The following FILIP1L variants were observed in gnomAD, a reference collection of about 807,000 sequenced individuals.
FILIP1L encodes the protein filamin A interacting protein 1 like, also known as filamin A-interacting protein 1-like.
In FILIP1L, 55 loss-of-function variants were observed where a neutral mutation model predicts 96.6. That is an observed-to-expected ratio of 0.57 (90% confidence interval 0.46 to 0.71). The LOEUF (loss-of-function observed/expected upper bound fraction) is 0.71, where lower values mean the gene tolerates loss of function less well. Among genes scored for constraint, FILIP1L ranks in the 30% least tolerant of loss-of-function variants. The pLI is 0.00. For missense variants in FILIP1L, 1,304 were observed against 1,321.2 expected (o/e 0.99, Z 0.20); for synonymous variants, 467 against 473.9 (o/e 0.99, Z 0.19).
intron 4 of FILIP1L, among the ~76,000 whole-genome samples, chr3:99,858,342 G>C (rs537449281): frequency 6.6e-6 from 1 of 151,946 alleles, no homozygotes; most frequent in African/African-American, 2.4e-5. Context: ...GCACGTGCCT[G>C]TGGTCCCAGC....
At chr3:99,975,585 C>CAA (rs879922288) in intron 1 of FILIP1L, among the ~76,000 whole-genome samples, 2 of 113,702 alleles carry the variant, frequency 1.8e-5, no homozygotes, top group Non-Finnish European at 3.7e-5. Flanking sequence ...GACTCCGTCT[C>CAA]AAAAAAAAAA....
chr3:99,897,169 G>A (rs1207337015), intron 4 of FILIP1L, among the ~76,000 whole-genome samples: 1 of 152,094 alleles, frequency 6.6e-6, no homozygotes, highest in Non-Finnish European at 1.5e-5. Context: ...GACCAGCCTA[G>A]CCAACATAGT....
intron 1 of FILIP1L, among the ~76,000 whole-genome samples, chr3:99,932,230 T>C (rs1707504825): frequency 6.6e-6 from 1 of 152,220 alleles, no homozygotes; most frequent in Admixed American, 6.5e-5. Flanking sequence ...TTGGTATTTA[T>C]CATTCCCCTG....
Position 99,924,258 on chromosome 3 carries a change from T to C in FILIP1L, c.577A>G (p.Ile193Val). Residue 193 changes from isoleucine to valine, a missense_variant, in exon 4 of 6, where the codon ATA becomes GTA. Ile to Val is a conservative substitution (Grantham distance 29). Coordinates refer to ENST00000477258, the MANE Select transcript of FILIP1L (RefSeq NM_001387850.1). ...KEYMEKSDEFICLLEQECERL... is the reference protein window; with the variant it reads ...KEYMEKSDEFVCLLEQECERL... ...TCACATTCCTGTTCTAGTAGGCATA[T>C]GAATTCATCACTCTTCTCCATGTAT... The C allele has an allele frequency of 1.9e-6, 3 of 1,614,058 alleles. No homozygotes were observed. Among genetic ancestry groups the C allele is most frequent in the Non-Finnish European group, 1.7e-6 (2 of 1,180,004 alleles).
At chr3:100,068,874 C>T in intron 1 of FILIP1L, among the ~76,000 whole-genome samples, 1 of 152,168 alleles carries the variant, frequency 6.6e-6, no homozygotes, top group East Asian at 1.9e-4. Flanking sequence ...TTTGTGATTT[C>T]AGAGGTTATT....
Position 99,968,428 on chromosome 3 carries a change from GGA to G in FILIP1L, c.-10-37400_-10-37399del, listed in dbSNP as rs372469461. Among the ~76,000 whole-genome samples the G allele has an allele frequency of 8.1e-3, 1,151 of 141,394 alleles. 4 individuals are homozygous for G. Among genetic ancestry groups the G allele is most frequent in the African/African-American group, 0.012 (467 of 38,182 alleles). The allele number at this position is 141,394 out of a possible 152,430, so 92.8% of individuals were successfully genotyped here. On this transcript the variant is annotated intron_variant, in intron 1 of 5. Transcript: ENST00000477258. ...GGTCCTGAAAAACTATGTTTTTGGG[GGA>G]AAAAAAAAAAAAAGACTGAATGATA...
At chr3:99,998,798 T>C (rs1388884153) in intron 1 of FILIP1L, among the ~76,000 whole-genome samples, 2 of 152,236 alleles carry the variant, frequency 1.3e-5, no homozygotes, top group Non-Finnish European at 2.9e-5. Flanking sequence ...CTCGATCTCC[T>C]GACCTCGTGA....
At chr3:100,072,035 G>A (rs766136924) in intron 1 of FILIP1L, among the ~76,000 whole-genome samples, 5 of 152,198 alleles carry the variant, frequency 3.3e-5, no homozygotes, top group South Asian at 2.1e-4. Context: ...TAATTAGCAC[G>A]TTAGGATAAA....
chr3:100,086,817 C>A lies in FILIP1L; in HGVS notation c.-11+27236G>T, dbSNP rs76646324. On this transcript the variant is annotated intron_variant, in intron 1 of 5. Transcript: ENST00000477258. The stretch of plus-strand genomic sequence containing the variant: ...TCACCACCATAATCAAAATGCAAAG[C>A]ACTTCCATCACCCCCAGAAATCCTT... Among the ~76,000 whole-genome samples the A allele has an allele frequency of 4.5e-3, 678 of 152,296 alleles. 7 individuals carry two copies. Among genetic ancestry groups the A allele is most frequent in the African/African-American group, 0.016 (664 of 41,570 alleles).
intron 1 of FILIP1L, among the ~76,000 whole-genome samples, chr3:100,097,805 C>T (rs2066236854): frequency 6.6e-6 from 1 of 152,158 alleles, no homozygotes; most frequent in Non-Finnish European, 1.5e-5. Context: ...CAGGATTAGG[C>T]CTCCATTTCA....
intron 1 of FILIP1L, among the ~76,000 whole-genome samples, chr3:100,048,380 G>A (rs1273885572): frequency 1.3e-5 from 2 of 152,180 alleles, no homozygotes; most frequent in East Asian, 3.9e-4. Context: ...TATGGCAGCT[G>A]CTTGAAGCAT....
chr3:100,002,058 G>T (rs1369120815), intron 1 of FILIP1L, among the ~76,000 whole-genome samples: 1 of 152,168 alleles, frequency 6.6e-6, no homozygotes, highest in African/African-American at 2.4e-5. Context: ...GTGTGTGACT[G>T]TTTGCAGCTC....
chr3:100,037,958 G>GGC (rs2065137346), intron 1 of FILIP1L, among the ~76,000 whole-genome samples: 2 of 10,052 alleles, frequency 2.0e-4, no homozygotes, highest in Admixed American at 2.2e-3. Context: ...TTTTTTTTTG[G>GGC]GGGGGGAGGG....
intron 1 of FILIP1L, among the ~76,000 whole-genome samples, chr3:100,013,037 TTTTG>T (rs747855220): frequency 5.3e-5 from 8 of 151,956 alleles, no homozygotes; most frequent in Non-Finnish European, 1.0e-4. Flanking sequence ...CAGCCAATTT[TTTTG>T]TTTGTTTGTT....
At chr3:100,088,435 A>G (rs1576042117) in intron 1 of FILIP1L, among the ~76,000 whole-genome samples, 2 of 152,260 alleles carry the variant, frequency 1.3e-5, no homozygotes, top group African/African-American at 4.8e-5. Context: ...TAGCTAATAT[A>G]TGGATAACTA....
At chr3:100,087,832 C>CTTTTT (rs755041519) in intron 1 of FILIP1L, among the ~76,000 whole-genome samples, 16 of 114,104 alleles carry the variant, frequency 1.4e-4, no homozygotes, top group South Asian at 3.0e-4. Context: ...ATTGTTTCAA[C>CTTTTT]TTTTTTTTTT....
chr3:100,059,002 C>G (rs772872663), intron 1 of FILIP1L, among the ~76,000 whole-genome samples: 2 of 152,190 alleles, frequency 1.3e-5, no homozygotes, highest in Admixed American at 6.5e-5. Context: ...CCATCTCTTC[C>G]AGTGTTTTTC....
chr3:99,845,266 C>T (rs1943310231), intron 5 of FILIP1L, among the ~76,000 whole-genome samples: 1 of 152,114 alleles, frequency 6.6e-6, no homozygotes, highest in Non-Finnish European at 1.5e-5. Context: ...AAAGTTTTGC[C>T]ATTGCTTTTA....
chr3:99,850,415 T>G lies in FILIP1L; in HGVS notation c.1261A>C (p.Ser421Arg). ...TTTTCCAGAGCCATAATTCTTTTACTGAGTTTTTCAACCTCTAGTTTAAAG... is the reference window on the plus strand; with the variant it reads ...TTTTCCAGAGCCATAATTCTTTTACGGAGTTTTTCAACCTCTAGTTTAAAG... ...KDFKLEVEKL[S>R]KRIMALEKLE... The change falls in exon 5 of 6, where the codon AGT (serine) becomes CGT (arginine). Residue 421 changes from serine to arginine, a missense_variant. By Grantham distance (110) the Ser-to-Arg change is moderately radical. Coordinates refer to ENST00000477258, the MANE Select transcript of FILIP1L (RefSeq NM_001387850.1). 6.2e-7 allele frequency: 1 copy of G among 1,613,996 alleles called. No homozygotes were observed. Among genetic ancestry groups the G allele is most frequent in the Non-Finnish European group, 8.5e-7 (1 of 1,179,984 alleles).
Sources: allele counts gnomAD v4.1 joint callset (sites outside exome capture counted in the v4.1 genomes callset), GRCh38; gene constraint gnomAD v4.1.1; transcripts MANE v1.5; gene names NCBI Gene and HGNC (gene_info 2026-07-23, HGNC 2026-07-21).